The following ADAM18 variants were observed in gnomAD, a reference collection of about 807,000 sequenced individuals.
The protein encoded by ADAM18 is ADAM metallopeptidase domain 18.
In ADAM18, 117 loss-of-function variants were observed where a neutral mutation model predicts 94.4. That is an observed-to-expected ratio of 1.24 (90% CI 1.07 to 1.45). The LOEUF is 1.45. Among genes scored for constraint, ADAM18 ranks in the 40% most tolerant of loss-of-function variants. The pLI is 0.00. For synonymous variants in ADAM18, 327 were observed against 291.6 expected, an observed-to-expected ratio of 1.12 and a Z score of -1.24; for missense variants, 936 against 880.0, an observed-to-expected ratio of 1.06 and a Z score of -0.81.
intron 6 of ADAM18, among the ~76,000 whole-genome samples, chr8:39,616,890 G>A (rs1395407409): frequency 6.6e-6 from 1 of 152,118 alleles, no homozygotes; most frequent in East Asian, 1.9e-4. Context: ...AGACTTAAAA[G>A]TAAAAGCTAA....
intron 13 of ADAM18, among the ~76,000 whole-genome samples, chr8:39,666,379 T>C (rs2129580176): frequency 6.6e-6 from 1 of 152,278 alleles, no homozygotes; most frequent in East Asian, 1.9e-4. Flanking sequence ...TTGTGTCTCA[T>C]CCTTTTTTGA....
intron 11 of ADAM18, among the ~76,000 whole-genome samples, chr8:39,646,458 A>G (rs1192421975): frequency 6.6e-6 from 1 of 152,188 alleles, no homozygotes. Context: ...AACCCAATAG[A>G]TCCAAAATAT....
chr8:39,713,192 G>T (rs1822467453), intron 18 of ADAM18, among the ~76,000 whole-genome samples: 1 of 152,140 alleles, frequency 6.6e-6, no homozygotes, highest in Non-Finnish European at 1.5e-5. Flanking sequence ...AATGGGGAAA[G>T]GATTCACTAT....
chr8:39,702,523 A>T lies in ADAM18; in HGVS notation c.1903-4267A>T, dbSNP rs541231465. 5.3e-5 allele frequency among the ~76,000 whole-genome samples: 8 copies of T among 152,160 alleles called. No homozygotes were observed. The South Asian group carries it at 1.7e-3, about 31-fold the overall frequency. ...TTTGTCAATTTTTGCTTTTGTTTCA[A>T]TTGCTTTTGGCATCTGCATCATGAA... is the stretch of plus-strand genomic sequence containing the variant. On this transcript the variant is annotated intron_variant, in intron 17 of 19. Coordinates refer to ENST00000265707, the MANE Select transcript of ADAM18 (RefSeq NM_014237.3).
rs145136743 is a variant in ADAM18 at position 39,709,120 on chromosome 8, A to G, written c.2017+2216A>G. 3.7e-3 allele frequency among the ~76,000 whole-genome samples: 566 copies of G among 152,274 alleles called. 4 individuals carry two copies. The highest frequency in any genetic ancestry group is 0.02 in the Middle Eastern group (6 of 294). ...GAGCTCTTGTCTGGTGTCCAGGAAA[A>G]ATGAAGTCATGTGAGCAAATTGAAG... is the stretch of plus-strand genomic sequence containing the variant. On this transcript the variant is annotated intron_variant, in intron 18 of 19. Coordinates refer to ENST00000265707, the MANE Select transcript of ADAM18 (RefSeq NM_014237.3).
chr8:39,713,424 G>T (rs997641041), intron 18 of ADAM18, among the ~76,000 whole-genome samples: 2 of 152,144 alleles, frequency 1.3e-5, no homozygotes, highest in Admixed American at 6.5e-5. Flanking sequence ...GGCAACAAAA[G>T]CCAAAATAGA....
intron 18 of ADAM18, among the ~76,000 whole-genome samples, chr8:39,723,154 T>A (rs1036126499): frequency 6.8e-6 from 1 of 147,792 alleles, no homozygotes; most frequent in African/African-American, 2.5e-5. Context: ...TTGTGTGATA[T>A]CTCAACTTTT....
At chr8:39,589,587 T>C (rs1482968026) in intron 2 of ADAM18, among the ~76,000 whole-genome samples, 2 of 152,016 alleles carry the variant, frequency 1.3e-5, no homozygotes, top group East Asian at 3.9e-4. Flanking sequence ...CACACAAACA[T>C]GTCAATGATT....
intron 2 of ADAM18, among the ~76,000 whole-genome samples, chr8:39,601,282 G>A (rs1232923000): frequency 2.6e-5 from 4 of 152,202 alleles, no homozygotes; most frequent in African/African-American, 9.6e-5. Flanking sequence ...ACTGTCTTCT[G>A]TCTTCCAGCC....
At chr8:39,695,884 G>C (rs1203939326) in intron 17 of ADAM18, among the ~76,000 whole-genome samples, 1 of 151,252 alleles carries the variant, frequency 6.6e-6, no homozygotes, top group African/African-American at 2.4e-5. Flanking sequence ...TGGTATACAA[G>C]TATCTGTTCA....
chr8:39,618,149 T>A lies in ADAM18; in HGVS notation c.522+7443T>A, dbSNP rs116780777. Among the ~76,000 whole-genome samples, 577 of 152,280 alleles carry A rather than the reference T, an allele frequency of 3.8e-3. 3 individuals carry two copies. The highest frequency in any genetic ancestry group is 6.0e-3 in the Non-Finnish European group (409 of 68,028). On this transcript the variant is annotated intron_variant, in intron 6 of 19. Transcript: ENST00000265707. ...ACCAAAATAAATTAGTATTGTGGGA[T>A]CTGGCCAGCAGCCCGCAATGCAACG...
At position 39,677,536 on chromosome 8, in the gene ADAM18, A is replaced by G. The variant is rs757304902; in HGVS notation, c.1631A>G (p.Lys544Arg). The change falls in exon 15 of 20, where the codon AAG becomes AGG. Residue 544 changes from lysine (K) to arginine (R), a missense_variant and splice_region_variant. Lys to Arg is a conservative substitution (Grantham distance 26). Coordinates refer to ENST00000265707, the MANE Select transcript of ADAM18 (RefSeq NM_014237.3). ...TCACAACCATTACCTTGTGAACGGA[A>G]GTACGTATGTAGAAAATGATTGCTT... ...KNSQPLPCER[K>R]DVLCGKLACV... The G allele has an allele frequency of 1.5e-5, 23 of 1,585,372 alleles. No individual in the cohort carries two copies. Among genetic ancestry groups the G allele is most frequent in the South Asian group, 1.3e-4 (11 of 86,550 alleles).
At chr8:39,617,316 A>T (rs1259459851) in intron 6 of ADAM18, among the ~76,000 whole-genome samples, 1 of 152,212 alleles carries the variant, frequency 6.6e-6, no homozygotes, top group Non-Finnish European at 1.5e-5. Flanking sequence ...ACCAGTTAGA[A>T]TGGCTATTAC....
Position 39,645,465 on chromosome 8 carries a change from A to G in ADAM18, c.1037A>G (p.His346Arg). ...FCLRATCIMN[H>R]EAVSASGRKI... is the part of the protein sequence containing the mutation. ...CTGAGAGCTACATGCATCATGAATC[A>G]TGAAGCAGTGTAAGATGTTTTCTTA... is the stretch of plus-strand genomic sequence containing the variant. The change falls in exon 11 of 20, where the codon CAT becomes CGT. Residue 346 changes from histidine (H) to arginine (R), a missense_variant. His to Arg is a conservative substitution (Grantham distance 29). Transcript: ENST00000265707. 6.2e-7 allele frequency: 1 copy of G among 1,610,136 alleles called. No homozygotes were observed. The highest frequency in any genetic ancestry group is 1.3e-5 in the African/African-American group (1 of 74,954).
At chr8:39,617,926 A>G (rs1819493370) in intron 6 of ADAM18, among the ~76,000 whole-genome samples, 1 of 152,112 alleles carries the variant, frequency 6.6e-6, no homozygotes, top group Non-Finnish European at 1.5e-5. Flanking sequence ...AACCCCTGTG[A>G]CATGCAATTT....
chr8:39,639,219 T>C (rs985567022), intron 10 of ADAM18, among the ~76,000 whole-genome samples: 2 of 151,930 alleles, frequency 1.3e-5, no homozygotes, highest in African/African-American at 2.4e-5. Flanking sequence ...GATCAAAAAA[T>C]AGAATATTAT....
chr8:39,606,509 A>C, intron 3 of ADAM18, 147 bp downstream of exon 3: 2 of 488,020 alleles, frequency 4.1e-6, no homozygotes, highest in Admixed American at 8.6e-5. Context: ...TTTAGGATTC[A>C]TTAGGTTTTG....
At chr8:39,588,200 C>T (rs1224171000) in intron 2 of ADAM18, among the ~76,000 whole-genome samples, 1 of 151,334 alleles carries the variant, frequency 6.6e-6, no homozygotes, top group South Asian at 2.1e-4. Flanking sequence ...CAGTGCTTGT[C>T]ACCTTTTGCT....
intron 17 of ADAM18, among the ~76,000 whole-genome samples, chr8:39,698,331 T>A (rs956388844): frequency 2.0e-5 from 3 of 151,990 alleles, no homozygotes; most frequent in Non-Finnish European, 4.4e-5. Context: ...AATTTATTAA[T>A]CAATTTTTCT....
Sources: allele counts gnomAD v4.1 joint callset (sites outside exome capture counted in the v4.1 genomes callset), GRCh38; gene constraint gnomAD v4.1.1; transcripts MANE v1.5; gene names NCBI Gene and HGNC (gene_info 2026-07-23, HGNC 2026-07-21).